The following CSMD3 variants were observed in gnomAD, a reference collection of about 807,000 sequenced individuals.
CSMD3 encodes CUB and sushi domain-containing protein 3.
CSMD3 carries 177 observed loss-of-function variants against 435.2 expected under a neutral mutation model. That is an observed-to-expected ratio of 0.41 (90% confidence interval 0.36 to 0.46). CSMD3 has a LOEUF of 0.46. Ranked by LOEUF, CSMD3 falls within the 20% of genes least tolerant of loss-of-function variation. CSMD3 has a pLI of 0.34. For synonymous variants in CSMD3, 1,656 were observed against 1,520.5 expected (o/e 1.09, Z -2.07); for missense variants, 4,265 against 4,504.6 (o/e 0.95, Z 1.52).
chr8:113,383,374 T>G lies in CSMD3; in HGVS notation c.178+53303A>C, dbSNP rs1426790823. On this transcript the variant is annotated intron_variant, in intron 1 of 70. Transcript: ENST00000297405. ...ACAAAGAAACATAAAGGGACACACA[T>G]ATTTCTACTAACATAGTCCTTATTA... 2.6e-5 allele frequency among the ~76,000 whole-genome samples: 4 copies of G among 152,330 alleles called. No homozygotes were observed. In the East Asian group the frequency reaches 7.7e-4, roughly 29 times the overall value.
rs776743237 is a variant in CSMD3, at chr8:113,369,514, A to G, written c.179-54721T>C. Among the ~76,000 whole-genome samples, 128 of 152,088 alleles carry G rather than the reference A, an allele frequency of 8.4e-4. 1 individual carries two copies. Among genetic ancestry groups the G allele is most frequent in the Non-Finnish European group, 1.4e-3 (93 of 67,856 alleles). On this transcript the variant is annotated intron_variant, in intron 1 of 70. Transcript: ENST00000297405. The stretch of plus-strand genomic sequence containing the variant: ...AGTATGAAGTTTCCTCATAAAATTA[A>G]AATTAGAACTACTGTATGATCTAGC...
At chr8:112,928,346 A>C (rs2082980391) in intron 9 of CSMD3, among the ~76,000 whole-genome samples, 1 of 152,166 alleles carries the variant, frequency 6.6e-6, no homozygotes, top group Non-Finnish European at 1.5e-5. Context: ...TCAAACCTTC[A>C]AGAGAAAGCA....
At chr8:112,448,605 G>T (rs1403056189) in intron 32 of CSMD3, among the ~76,000 whole-genome samples, 2 of 152,114 alleles carry the variant, frequency 1.3e-5, no homozygotes, top group Non-Finnish European at 2.9e-5. Flanking sequence ...GAGGGAGCAT[G>T]GTCCAGATGA....
chr8:112,288,674 C>A (rs998616965), intron 57 of CSMD3, among the ~76,000 whole-genome samples: 1 of 151,600 alleles, frequency 6.6e-6, no homozygotes, highest in Non-Finnish European at 1.5e-5. Flanking sequence ...AACTAGGGAG[C>A]CATCATAGAT....
At chr8:113,251,465 A>G (rs1490426938) in intron 3 of CSMD3, among the ~76,000 whole-genome samples, 2 of 152,024 alleles carry the variant, frequency 1.3e-5, no homozygotes, top group East Asian at 1.9e-4. Flanking sequence ...TAAAGAAAGC[A>G]TGGGGGATAT....
chr8:113,014,495 C>T (rs1246370319), intron 6 of CSMD3, among the ~76,000 whole-genome samples: 1 of 151,774 alleles, frequency 6.6e-6, no homozygotes, highest in Non-Finnish European at 1.5e-5. Context: ...AAATGAGATG[C>T]CCTTATCAAG....
chr8:112,671,891 AC>A (rs1388636048), intron 16 of CSMD3, among the ~76,000 whole-genome samples: 1 of 152,054 alleles, frequency 6.6e-6, no homozygotes, highest in African/African-American at 2.4e-5. Context: ...TGAGGCTCTA[AC>A]CCCATTTTAA....
chr8:112,420,318 A>G (rs1812342601), intron 32 of CSMD3, among the ~76,000 whole-genome samples: 1 of 152,132 alleles, frequency 6.6e-6, no homozygotes, highest in Admixed American at 6.6e-5. Context: ...ACTCCCCAAC[A>G]TCATATTCTT....
chr8:113,055,907 C>T (rs1047847634), intron 5 of CSMD3, among the ~76,000 whole-genome samples: 1 of 151,948 alleles, frequency 6.6e-6, no homozygotes, highest in Non-Finnish European at 1.5e-5. Flanking sequence ...GCTTGCAAAC[C>T]GCAGAAGGTC....
intron 7 of CSMD3, among the ~76,000 whole-genome samples, chr8:112,955,026 G>A (rs1271565068): frequency 1.3e-5 from 2 of 151,580 alleles, no homozygotes; most frequent in Non-Finnish European, 3.0e-5. Flanking sequence ...AAACTGTCCA[G>A]ATTTTTATAT....
chr8:112,978,295 A>G (rs547145690), intron 6 of CSMD3, among the ~76,000 whole-genome samples: 1 of 152,140 alleles, frequency 6.6e-6, no homozygotes, highest in Non-Finnish European at 1.5e-5. Context: ...AAATTATCAT[A>G]TTCCATCAGA....
intron 20 of CSMD3, among the ~76,000 whole-genome samples, chr8:112,643,053 G>C (rs1302274808): frequency 6.6e-6 from 1 of 152,036 alleles, no homozygotes; most frequent in Non-Finnish European, 1.5e-5. Flanking sequence ...GTTTAGTCTG[G>C]GAAGAAAAGA....
chr8:112,782,475 G>A (rs536905399), intron 13 of CSMD3, among the ~76,000 whole-genome samples: 1 of 152,130 alleles, frequency 6.6e-6, no homozygotes, highest in East Asian at 1.9e-4. Context: ...AAATCTAAGA[G>A]TTATTGCCTT....
chr8:112,864,121 A>T (rs2080906454), intron 10 of CSMD3, among the ~76,000 whole-genome samples: 1 of 152,206 alleles, frequency 6.6e-6, no homozygotes, highest in African/African-American at 2.4e-5. Context: ...CTTACATTCA[A>T]GAGATATAAT....
chr8:112,863,167 T>A (rs1213999771), intron 10 of CSMD3, among the ~76,000 whole-genome samples: 1 of 152,078 alleles, frequency 6.6e-6, no homozygotes, highest in Admixed American at 6.6e-5. Flanking sequence ...GATTTTGCTT[T>A]GAATTAACTT....
At chr8:112,636,536 A>ATTTC (rs1490205156) in intron 22 of CSMD3, among the ~76,000 whole-genome samples, 1 of 118,552 alleles carries the variant, frequency 8.4e-6, no homozygotes, top group Non-Finnish European at 1.8e-5. Context: ...TGTCTATCAT[A>ATTTC]TTTCTATCTA....
chr8:112,621,212 G>T (rs1348031072), intron 22 of CSMD3, among the ~76,000 whole-genome samples: 1 of 151,920 alleles, frequency 6.6e-6, no homozygotes, highest in African/African-American at 2.4e-5. Flanking sequence ...TCCAGCCTGG[G>T]CAATAAGAGC....
intron 1 of CSMD3, among the ~76,000 whole-genome samples, chr8:113,345,872 C>T (rs2094147853): frequency 1.3e-5 from 2 of 151,950 alleles, no homozygotes; most frequent in African/African-American, 4.8e-5. Context: ...TCACACACCC[C>T]GGCTCCAGAA....
chr8:113,021,185 T>C (rs560641682), intron 5 of CSMD3, among the ~76,000 whole-genome samples: 3 of 152,314 alleles, frequency 2.0e-5, no homozygotes, highest in East Asian at 3.9e-4. Context: ...TTGAGCTGAC[T>C]GACTTTTTTT....
Sources: gnomAD v4.1 joint callset for allele counts (sites outside exome capture counted in the v4.1 genomes callset) on GRCh38, gnomAD v4.1.1 for gene constraint, MANE v1.5 for transcripts, NCBI Gene and HGNC (gene_info 2026-07-23, HGNC 2026-07-21) for gene names.